TBL1XR1: variants seen among roughly 807,000 people sequenced by gnomAD.
TBL1XR1 encodes the protein TBL1X/Y related 1, also known as F-box-like/WD repeat-containing protein TBL1XR1.
In TBL1XR1, 5 loss-of-function variants were observed where a neutral mutation model predicts 66.9. The ratio of observed to expected loss-of-function variants is 0.07; its 90% CI spans 0.04 to 0.16. TBL1XR1 has a LOEUF of 0.16. Ranked by LOEUF, TBL1XR1 falls within the 10% of genes least tolerant of loss-of-function variation. The probability of loss-of-function intolerance (pLI) is 1.00; values close to 1 mark genes in which losing one functional copy is unlikely to be tolerated. For synonymous variants in TBL1XR1, 210 were observed against 206.0 expected (o/e 1.02, Z -0.17); for missense variants, 238 against 623.2 (o/e 0.38, Z 6.58).
At chr3:177,145,937 TC>T (rs1730185917) in intron 1 of TBL1XR1, among the ~76,000 whole-genome samples, 1 of 152,216 alleles carries the variant, frequency 6.6e-6, no homozygotes, top group Admixed American at 6.5e-5. Flanking sequence ...CCAGGAGCTC[TC>T]CCTCCAAACA....
chr3:177,036,052 T>TG (rs1714737333), intron 12 of TBL1XR1, among the ~76,000 whole-genome samples: 1 of 152,354 alleles, frequency 6.6e-6, no homozygotes, highest in Middle Eastern at 3.4e-3. Context: ...TAAACTACCC[T>TG]GCCTTCCTTT....
At chr3:177,051,821 T>C in intron 4 of TBL1XR1, 95 bp from the exon 5 acceptor site, 2 of 1,379,332 alleles carry the variant, frequency 1.4e-6, no homozygotes, top group East Asian at 2.6e-5. Context: ...AAAATCTTCG[T>C]TCCTAAAAAA....
intron 1 of TBL1XR1, among the ~76,000 whole-genome samples, chr3:177,143,306 T>A (rs945257555): frequency 6.6e-6 from 1 of 151,984 alleles, no homozygotes; most frequent in Admixed American, 6.6e-5. Flanking sequence ...TGCTCAGTAT[T>A]TGCTAAGTCA....
chr3:177,167,737 CCTGA>C (rs1307225421), intron 1 of TBL1XR1, among the ~76,000 whole-genome samples: 4 of 152,130 alleles, frequency 2.6e-5, no homozygotes, highest in African/African-American at 4.8e-5. Context: ...TCGAGACCAG[CCTGA>C]CTAACATGGA....
At chr3:177,055,854 A>G (rs1717738655) in intron 3 of TBL1XR1, among the ~76,000 whole-genome samples, 1 of 152,228 alleles carries the variant, frequency 6.6e-6, no homozygotes, top group African/African-American at 2.4e-5. Context: ...GACAGAAGAC[A>G]TCATTTACAG....
At chr3:177,127,898 C>G (rs1727832682) in intron 1 of TBL1XR1, among the ~76,000 whole-genome samples, 1 of 152,272 alleles carries the variant, frequency 6.6e-6, no homozygotes, top group African/African-American at 2.4e-5. Context: ...AAAACATTTA[C>G]TATCAGTTAT....
chr3:177,020,010 T>C lies in TBL1XR1; in HGVS notation c.*5488A>G, dbSNP rs1191874082. On this transcript the variant is annotated 3_prime_UTR_variant, in exon 16 of 16. Coordinates refer to ENST00000457928, the MANE Select transcript of TBL1XR1 (RefSeq NM_024665.7). The stretch of plus-strand genomic sequence containing the variant: ...TAAAAAAAAAAAAAAGAAAATATGC[T>C]CAATGATTCTTTTTAAAAAGTCTCT... The C allele has an allele frequency of 1.3e-5, 2 of 150,652 alleles. No homozygotes were observed. The highest frequency in any genetic ancestry group is 4.9e-5 in the African/African-American group (2 of 41,046). The allele number at this position is 150,652 out of a possible 1,614,324, so 9.3% of individuals were successfully genotyped here. A position where few individuals can be genotyped will look rare whatever the true frequency, so the allele number is the denominator to read the frequency against.
In TBL1XR1 at chr3:177,120,103, C is replaced by A. The variant is rs1419641962; in HGVS notation, c.-121-21562G>T. 2.6e-5 allele frequency among the ~76,000 whole-genome samples: 4 copies of A among 152,154 alleles called. No homozygotes were observed. In the South Asian group the frequency reaches 6.2e-4, roughly 24 times the overall value. On this transcript the variant is annotated intron_variant, in intron 1 of 15. Transcript: ENST00000457928. ...AACTATATAGAGCCTACTTCTGGAG[C>A]ACAGAATTGATAACCTTAACTTCTC...
At position 177,020,694 on chromosome 3, in the gene TBL1XR1, GTAAA is replaced by G. The variant is rs1712239344; in HGVS notation, c.*4800_*4803del. 3 of 152,122 alleles carry G rather than the reference GTAAA, an allele frequency of 2.0e-5. No homozygotes were observed. Among genetic ancestry groups the G allele is most frequent in the Admixed American group, 2.0e-4 (3 of 15,262 alleles). The allele number at this position is 152,122 out of a possible 1,614,324, so 9.4% of individuals were successfully genotyped here. ...CCATCCCTCTCTCTTTACCTGACTA[GTAAA>G]TAGTCTATATAAACTACATAGACAT... On this transcript the variant is annotated 3_prime_UTR_variant, in exon 16 of 16. Coordinates refer to ENST00000457928, the MANE Select transcript of TBL1XR1 (RefSeq NM_024665.7).
intron 1 of TBL1XR1, among the ~76,000 whole-genome samples, chr3:177,174,236 G>A (rs950555981): frequency 5.9e-5 from 9 of 151,780 alleles, no homozygotes; most frequent in South Asian, 4.2e-4. Flanking sequence ...GTGAAACCCC[G>A]TCTGTAGTAA....
At chr3:177,058,109 C>T (rs956584361) in intron 3 of TBL1XR1, among the ~76,000 whole-genome samples, 1 of 152,126 alleles carries the variant, frequency 6.6e-6, no homozygotes, top group Non-Finnish European at 1.5e-5. Context: ...GATTATGGTA[C>T]AGGATGACTA....
chr3:177,083,184 T>G (rs1221686442), intron 2 of TBL1XR1, among the ~76,000 whole-genome samples: 1 of 152,044 alleles, frequency 6.6e-6, no homozygotes, highest in Non-Finnish European at 1.5e-5. Context: ...GGAAACAAAC[T>G]CTTAATAATT....
intron 1 of TBL1XR1, among the ~76,000 whole-genome samples, chr3:177,158,177 C>CAA (rs753376734): frequency 6.9e-6 from 1 of 144,806 alleles, no homozygotes. Context: ...AAAACAAAAA[C>CAA]AAAAAAAACC....
chr3:177,111,976 T>C (rs1725620429), intron 1 of TBL1XR1, among the ~76,000 whole-genome samples: 1 of 149,018 alleles, frequency 6.7e-6, no homozygotes, highest in South Asian at 2.1e-4. Context: ...ACTGCTAAGA[T>C]CCTTTGAAGC....
intron 1 of TBL1XR1, among the ~76,000 whole-genome samples, chr3:177,105,877 T>C (rs1724818634): frequency 6.6e-6 from 1 of 152,128 alleles, no homozygotes; most frequent in Admixed American, 6.6e-5. Context: ...TGGAGAATTT[T>C]ACTAGTCAGG....
chr3:177,200,091 G>A (rs1448639627), upstream of TBL1XR1, among the ~76,000 whole-genome samples: 4 of 152,134 alleles, frequency 2.6e-5, no homozygotes, highest in African/African-American at 7.2e-5. Context: ...TCCTGTCTCA[G>A]CCTCCCGAGT....
In TBL1XR1 at chr3:177,023,851, A is replaced by G. The variant is rs1712711642; in HGVS notation, c.*1647T>C. 6.6e-6 allele frequency: 1 copy of G among 152,254 alleles called. No homozygotes were observed. Among genetic ancestry groups the G allele is most frequent in the Admixed American group, 6.6e-5 (1 of 15,266 alleles). The allele number at this position is 152,254 out of a possible 1,614,324, so 9.4% of individuals were successfully genotyped here. A position where few individuals can be genotyped will look rare whatever the true frequency, so the allele number is the denominator to read the frequency against. ...ATAGTGTTATTAATTTGCTAAGCTC[A>G]ACAATAAGCAATTCCTTAATTAAAA... On this transcript the variant is annotated 3_prime_UTR_variant, in exon 16 of 16. Transcript: ENST00000457928.
chr3:177,122,660 T>C (rs1331192933), intron 1 of TBL1XR1, among the ~76,000 whole-genome samples: 1 of 152,118 alleles, frequency 6.6e-6, no homozygotes, highest in Non-Finnish European at 1.5e-5. Context: ...CTTGGATCAA[T>C]GGCTTCTAGC....
At position 177,051,589 on chromosome 3, in the gene TBL1XR1, G is replaced by GGCAGCTGCA. The variant is rs768436772; in HGVS notation, c.333_341dup (p.Ala116_Ala118dup). On this transcript the variant is annotated inframe_insertion, in exon 5 of 16. Coordinates refer to ENST00000457928, the MANE Select transcript of TBL1XR1 (RefSeq NM_024665.7). ...ATCCTTGTTGGCTGGCTGCAGCTGC[G>GGCAGCTGCA]GCAGCTGCAGCAGCTGCTGCCTGTT... The GGCAGCTGCA allele has an allele frequency of 4.3e-6, 7 of 1,611,994 alleles. No homozygotes were observed. The highest frequency in any genetic ancestry group is 5.9e-6 in the Non-Finnish European group (7 of 1,178,722).
Sources: gnomAD v4.1 joint callset for allele counts (sites outside exome capture counted in the v4.1 genomes callset) on GRCh38, gnomAD v4.1.1 for gene constraint, MANE v1.5 for transcripts, NCBI Gene and HGNC (gene_info 2026-07-23, HGNC 2026-07-21) for gene names.